Variants in BMPR1A observed in about 807,000 individuals in gnomAD.
BMPR1A encodes the protein bone morphogenetic protein receptor type 1A, also known as bone morphogenetic protein receptor type-1A.
Under a neutral mutation model 66.0 loss-of-function variants are expected in BMPR1A, and 7 were observed. That is an observed-to-expected ratio of 0.11 (90% CI 0.06 to 0.20). The LOEUF is 0.20. BMPR1A is among the 10% of genes least tolerant of loss of function. BMPR1A has a pLI of 1.00. For missense variants in BMPR1A, 408 were observed against 669.1 expected (o/e 0.61, Z 4.31); for synonymous variants, 200 against 229.7 (o/e 0.87, Z 1.17).
rs112576712 is a variant in BMPR1A, at chr10:86,810,434, C to T, written c.-267-28431C>T. Among the ~76,000 whole-genome samples the T allele has an allele frequency of 2.7e-3, 409 of 152,218 alleles. 3 individuals are homozygous for T. Among genetic ancestry groups the T allele is most frequent in the Non-Finnish European group, 2.4e-3 (163 of 68,014 alleles). On this transcript the variant is annotated intron_variant, in intron 1 of 12. Transcript: ENST00000372037. ...GTGGAAATATGTTTTTGTTTCTCTT[C>T]GGTATATAGGAAAAGAATTACAGAA...
chr10:86,878,622 T>C (rs1372963252), intron 3 of BMPR1A, among the ~76,000 whole-genome samples: 2 of 152,214 alleles, frequency 1.3e-5, no homozygotes, highest in Non-Finnish European at 2.9e-5. Flanking sequence ...ACATTTCCCT[T>C]GTGGTTCCCA....
At chr10:86,796,129 A>G (rs1266445202) in intron 1 of BMPR1A, among the ~76,000 whole-genome samples, 1 of 152,172 alleles carries the variant, frequency 6.6e-6, no homozygotes, top group East Asian at 1.9e-4. Flanking sequence ...CATATTCTGA[A>G]TATTAATTTG....
At chr10:86,816,417 CT>C (rs1842035742) in intron 1 of BMPR1A, among the ~76,000 whole-genome samples, 1 of 152,226 alleles carries the variant, frequency 6.6e-6, no homozygotes, top group African/African-American at 2.4e-5. Context: ...GCACTGACCC[CT>C]ACCTTAGTAA....
At chr10:86,893,391 C>T (rs1843181259) in intron 5 of BMPR1A, among the ~76,000 whole-genome samples, 1 of 152,134 alleles carries the variant, frequency 6.6e-6, no homozygotes, top group African/African-American at 2.4e-5. Flanking sequence ...TGATTTTGTC[C>T]CAGGAGATCC....
Position 86,866,399 on chromosome 10 carries a change from CTTTTTTTTTTTT to C in BMPR1A, c.-152-9452_-152-9441del, listed in dbSNP as rs1048293127. Among the ~76,000 whole-genome samples, 11 of 69,474 alleles carry C rather than the reference CTTTTTTTTTTTT, an allele frequency of 1.6e-4. No individual in the cohort carries two copies. The South Asian group carries it at 2.2e-3, about 14-fold the overall frequency. 45.6% of individuals were successfully genotyped at this position (69,474 alleles called of 152,430 possible). A position where few individuals can be genotyped will look rare whatever the true frequency, so the allele number is the denominator to read the frequency against. On this transcript the variant is annotated intron_variant, in intron 2 of 12. Transcript: ENST00000372037. Reference sequence around the variant, plus strand: ...TGTGTTAAGTTGGGCAAGTTTCTTTCTTTTTTTTTTTTTTTTTTTTTTTTTTTGAGATGGAGT... The same window carrying C: ...TGTGTTAAGTTGGGCAAGTTTCTTTCTTTTTTTTTTTTTTTGAGATGGAGT...
chr10:86,776,579 C>G (rs1439788157), intron 1 of BMPR1A, among the ~76,000 whole-genome samples: 1 of 152,012 alleles, frequency 6.6e-6, no homozygotes, highest in Non-Finnish European at 1.5e-5. Context: ...TGTTGCAGAC[C>G]CCCTTTCCTT....
intron 8 of BMPR1A, among the ~76,000 whole-genome samples, chr10:86,915,324 C>T (rs1229923099): frequency 6.6e-6 from 1 of 152,098 alleles, no homozygotes; most frequent in Middle Eastern, 3.2e-3. Flanking sequence ...AGCCACCACG[C>T]CTGGCCAAAA....
At chr10:86,794,778 C>T (rs1052657239) in intron 1 of BMPR1A, among the ~76,000 whole-genome samples, 2 of 150,962 alleles carry the variant, frequency 1.3e-5, no homozygotes, top group African/African-American at 2.4e-5. Flanking sequence ...TTCTGTGATT[C>T]GTATAGTCAC....
chr10:86,919,129 ATC>A, intron 9 of BMPR1A, 41 bp from the exon 10 acceptor site: 5 of 1,607,650 alleles, frequency 3.1e-6, no homozygotes, highest in Non-Finnish European at 4.3e-6. Flanking sequence ...TCCCTAGCCT[ATC>A]TCTGATGATA....
At chr10:86,902,495 T>A (rs946598849) in intron 7 of BMPR1A, among the ~76,000 whole-genome samples, 1 of 152,196 alleles carries the variant, frequency 6.6e-6, no homozygotes, top group African/African-American at 2.4e-5. Flanking sequence ...GTGTGCTCTC[T>A]AAGCAATGGG....
At chr10:86,930,027 G>C (rs7909264), downstream of BMPR1A, 17,706 of 152,240 alleles carry the variant, frequency 0.12, 1,214 homozygotes, top group African/African-American at 0.18. Context: ...TTGGCTCAGC[G>C]CTTGGAGCAT....
rs544583252 is a variant in BMPR1A, at chr10:86,765,851, T to A, written c.-268+8932T>A. Among the ~76,000 whole-genome samples, 7 of 152,308 alleles carry A rather than the reference T, an allele frequency of 4.6e-5. No individual in the cohort carries two copies. In the South Asian group the frequency reaches 1.5e-3, roughly 32 times the overall value. On this transcript the variant is annotated intron_variant, in intron 1 of 12. Transcript: ENST00000372037. ...AAGTATAGAGCTAGAAAAAATTTTC[T>A]TTTCTGTTGCCTTCTTTCTTTTTTT...
At chr10:86,820,372 CT>C (rs373624964) in intron 1 of BMPR1A, among the ~76,000 whole-genome samples, 219 of 142,402 alleles carry the variant, frequency 1.5e-3, no homozygotes, top group Non-Finnish European at 1.5e-3. Flanking sequence ...AAGATGACAT[CT>C]TTTTTTTTTT....
At chr10:86,770,992 G>C (rs184424957) in intron 1 of BMPR1A, among the ~76,000 whole-genome samples, 1 of 152,008 alleles carries the variant, frequency 6.6e-6, no homozygotes, top group Admixed American at 6.6e-5. Flanking sequence ...CTTTTTCTCC[G>C]TATGAGGCTG....
intron 2 of BMPR1A, among the ~76,000 whole-genome samples, chr10:86,844,060 A>G (rs1842454915): frequency 6.6e-6 from 1 of 152,228 alleles, no homozygotes; most frequent in South Asian, 2.1e-4. Context: ...TGGCCTCATT[A>G]GTAGCCAAGG....
intron 2 of BMPR1A, among the ~76,000 whole-genome samples, chr10:86,846,414 T>C (rs750925487): frequency 2.5e-4 from 38 of 152,312 alleles, no homozygotes; most frequent in Admixed American, 5.2e-4. Flanking sequence ...ATGCCTCTTC[T>C]GTGGGAGGTG....
intron 9 of BMPR1A, among the ~76,000 whole-genome samples, chr10:86,918,384 G>C (rs1441237279): frequency 1.3e-5 from 2 of 152,164 alleles, no homozygotes; most frequent in African/African-American, 4.8e-5. Flanking sequence ...AAAAGAGCAG[G>C]ACTGTGGGCC....
chr10:86,808,583 A>G (rs902002243), intron 1 of BMPR1A, among the ~76,000 whole-genome samples: 1 of 152,242 alleles, frequency 6.6e-6, no homozygotes, highest in African/African-American at 2.4e-5. Flanking sequence ...TTCTCCACTC[A>G]TTGACAAACC....
chr10:86,850,622 A>C (rs903618809), intron 2 of BMPR1A, among the ~76,000 whole-genome samples: 6 of 152,054 alleles, frequency 3.9e-5, no homozygotes, highest in Non-Finnish European at 7.4e-5. Context: ...AATTTAGCTC[A>C]AAGTTTTGTT....
Sources: allele counts gnomAD v4.1 joint callset (sites outside exome capture counted in the v4.1 genomes callset), GRCh38; gene constraint gnomAD v4.1.1; transcripts MANE v1.5; gene names NCBI Gene and HGNC (gene_info 2026-07-23, HGNC 2026-07-21).